The following PTPRD variants were observed in gnomAD, a reference collection of about 807,000 sequenced individuals.
PTPRD encodes the protein receptor-type tyrosine-protein phosphatase delta.
Under a neutral mutation model 214.5 loss-of-function variants are expected in PTPRD, and 34 were observed. The ratio of observed to expected loss-of-function variants is 0.16; its 90% CI spans 0.12 to 0.21. The LOEUF (loss-of-function observed/expected upper bound fraction) is 0.21. Among genes scored for constraint, PTPRD ranks in the 10% least tolerant of loss-of-function variants. PTPRD has a pLI of 1.00. For synonymous variants in PTPRD, 1,128 were observed against 845.7 expected, an observed-to-expected ratio of 1.33 and a Z score of -5.79; for missense variants, 2,545 against 2,398.7, an observed-to-expected ratio of 1.06 and a Z score of -1.27.
intron 14 of PTPRD, among the ~76,000 whole-genome samples, chr9:8,572,151 G>C (rs550979015): frequency 1.3e-5 from 2 of 152,080 alleles, no homozygotes; most frequent in East Asian, 3.9e-4. Flanking sequence ...CAAGTTCTGA[G>C]TGTCAGTTAA....
chr9:9,520,214 C>A (rs1375829431), intron 8 of PTPRD, among the ~76,000 whole-genome samples: 2 of 148,658 alleles, frequency 1.3e-5, no homozygotes, highest in South Asian at 2.1e-4. Flanking sequence ...GTTCTCTGCC[C>A]CAGAGCACAT....
At chr9:9,518,351 C>G (rs921025377) in intron 8 of PTPRD, among the ~76,000 whole-genome samples, 1 of 152,026 alleles carries the variant, frequency 6.6e-6, no homozygotes, top group Non-Finnish European at 1.5e-5. Flanking sequence ...GAAGATTCTA[C>G]TCACACTAGT....
At chr9:10,360,567 T>C (rs1172438938) in intron 2 of PTPRD, among the ~76,000 whole-genome samples, 1 of 152,222 alleles carries the variant, frequency 6.6e-6, no homozygotes, top group African/African-American at 2.4e-5. Flanking sequence ...AGTCACGACA[T>C]GGCATGCACC....
chr9:10,143,048 G>C (rs200887571), intron 3 of PTPRD, among the ~76,000 whole-genome samples: 4 of 151,828 alleles, frequency 2.6e-5, no homozygotes, highest in Non-Finnish European at 2.9e-5. Context: ...ACCGCATATT[G>C]TCACTCATAG....
chr9:10,405,695 TAC>T (rs2098343084), intron 2 of PTPRD, among the ~76,000 whole-genome samples: 1 of 151,484 alleles, frequency 6.6e-6, no homozygotes, highest in South Asian at 2.1e-4. Flanking sequence ...TGCAAATAAA[TAC>T]AGTTAAATGG....
rs754993152 is a variant in PTPRD, at chr9:8,317,324, C to CAGTT, written c.*546_*549dup. 1.2e-4 allele frequency: 28 copies of CAGTT among 232,256 alleles called. No individual in the cohort carries two copies. Among genetic ancestry groups the CAGTT allele is most frequent in the South Asian group, 1.8e-4 (1 of 5,512 alleles). 14.4% of individuals were successfully genotyped at this position (232,256 alleles called of 1,614,324 possible). The stretch of plus-strand genomic sequence containing the variant: ...ACATTTTGTTAAAAAAAAGTTTACA[C>CAGTT]AGTTAGAAATGAAGCACAGGTCAGC... On this transcript the variant is annotated 3_prime_UTR_variant, in exon 46 of 46. Transcript: ENST00000381196.
chr9:10,317,594 A>T (rs2096465962), intron 3 of PTPRD, among the ~76,000 whole-genome samples: 1 of 152,008 alleles, frequency 6.6e-6, no homozygotes, highest in South Asian at 2.1e-4. Context: ...GGTGGACCCC[A>T]TGTTGCTAAA....
Position 8,501,037 on chromosome 9 carries a change from G to T in PTPRD, c.1845C>A (p.Asp615Glu). The change falls in exon 24 of 46, where the codon GAC becomes GAA. Residue 615 changes from aspartate to glutamate, a missense_variant. Coordinates refer to ENST00000381196, the MANE Select transcript of PTPRD (RefSeq NM_002839.4). ...MQSKPSAPPQDISCTSPSSTS... is the reference protein window; with the variant it reads ...MQSKPSAPPQEISCTSPSSTS... Reference sequence around the variant, plus strand: ...TGGAACTTGGGCTGGTGCAACTAATGTCTTGAGGAGGAGCTGACGGCTCTT... The same window carrying T: ...TGGAACTTGGGCTGGTGCAACTAATTTCTTGAGGAGGAGCTGACGGCTCTT... 2 of 1,613,372 alleles carry T rather than the reference G, an allele frequency of 1.2e-6. No individual in the cohort carries two copies. Among genetic ancestry groups the T allele is most frequent in the Non-Finnish European group, 1.7e-6 (2 of 1,179,510 alleles).
At chr9:8,350,237 C>G (rs2075073560) in intron 39 of PTPRD, among the ~76,000 whole-genome samples, 1 of 152,068 alleles carries the variant, frequency 6.6e-6, no homozygotes, top group South Asian at 2.1e-4. Context: ...TAAAAGTTGG[C>G]TTTTCTGATT....
intron 10 of PTPRD, among the ~76,000 whole-genome samples, chr9:9,162,117 T>G (rs544219604): frequency 7.9e-5 from 12 of 152,156 alleles, no homozygotes; most frequent in Non-Finnish European, 1.3e-4. Context: ...ATATTGGCCT[T>G]TGTCCATTTG....
At chr9:9,293,148 T>C (rs891366735) in intron 9 of PTPRD, among the ~76,000 whole-genome samples, 1 of 151,616 alleles carries the variant, frequency 6.6e-6, no homozygotes, top group Non-Finnish European at 1.5e-5. Context: ...AATAACCACA[T>C]AAATTATTTA....
intron 2 of PTPRD, among the ~76,000 whole-genome samples, chr9:10,348,208 G>A (rs1200645822): frequency 1.3e-5 from 2 of 151,920 alleles, no homozygotes; most frequent in South Asian, 2.1e-4. Flanking sequence ...CCTGGCTTAC[G>A]TAGGATTACT....
At chr9:9,859,528 T>G (rs977405571) in intron 5 of PTPRD, among the ~76,000 whole-genome samples, 1 of 152,236 alleles carries the variant, frequency 6.6e-6, no homozygotes, top group Non-Finnish European at 1.5e-5. Flanking sequence ...AAAATAAGTT[T>G]ATAATAATGA....
At chr9:9,875,268 A>G (rs1304125928) in intron 5 of PTPRD, among the ~76,000 whole-genome samples, 1 of 152,126 alleles carries the variant, frequency 6.6e-6, no homozygotes, top group Non-Finnish European at 1.5e-5. Flanking sequence ...AAAATTACAC[A>G]TCACTAATAA....
intron 5 of PTPRD, among the ~76,000 whole-genome samples, chr9:9,897,301 G>T (rs1261955340): frequency 2.0e-5 from 3 of 151,928 alleles, no homozygotes; most frequent in Non-Finnish European, 2.9e-5. Flanking sequence ...TTTGCTATAT[G>T]AAATCTATAT....
chr9:9,370,207 G>T (rs1409373767), intron 9 of PTPRD, among the ~76,000 whole-genome samples: 4 of 152,066 alleles, frequency 2.6e-5, no homozygotes, highest in African/African-American at 4.8e-5. Flanking sequence ...TGGGCAGTAT[G>T]GCCATTTTCA....
At chr9:8,691,959 T>C (rs2097814884) in intron 12 of PTPRD, among the ~76,000 whole-genome samples, 1 of 152,168 alleles carries the variant, frequency 6.6e-6, no homozygotes, top group South Asian at 2.1e-4. Flanking sequence ...ATTTCTATCA[T>C]TCTATTGCAT....
chr9:9,168,507 G>T (rs780600734), intron 10 of PTPRD, among the ~76,000 whole-genome samples: 79 of 151,792 alleles, frequency 5.2e-4, no homozygotes, highest in Non-Finnish European at 1.0e-3. Context: ...ATATCCCATG[G>T]TGTTATATAC....
At chr9:9,920,415 C>G (rs552915629) in intron 5 of PTPRD, among the ~76,000 whole-genome samples, 3 of 152,112 alleles carry the variant, frequency 2.0e-5, no homozygotes, top group Non-Finnish European at 4.4e-5. Context: ...GAATCTATTT[C>G]TCACTGATGT....
Sources: allele counts gnomAD v4.1 joint callset (sites outside exome capture counted in the v4.1 genomes callset), GRCh38; gene constraint gnomAD v4.1.1; transcripts MANE v1.5; gene names NCBI Gene and HGNC (gene_info 2026-07-23, HGNC 2026-07-21).